The following RBFOX1 variants were observed in gnomAD, a reference collection of about 807,000 sequenced individuals.
RBFOX1 encodes the protein RNA binding fox-1 homolog 1, also known as RNA binding protein fox-1 homolog 1.
RBFOX1 carries 8 observed loss-of-function variants against 57.7 expected under a neutral mutation model. The ratio of observed to expected loss-of-function variants is 0.14; its 90% CI spans 0.08 to 0.25. RBFOX1 has a LOEUF of 0.25. RBFOX1 is among the 10% of genes least tolerant of loss of function. RBFOX1 has a pLI of 1.00. For missense variants in RBFOX1, 611 were observed against 548.5 expected (o/e 1.11, Z -1.14); for synonymous variants, 326 against 222.4 (o/e 1.47, Z -4.15).
intron 4 of RBFOX1, among the ~76,000 whole-genome samples, chr16:7,080,921 G>C (rs1354691163): frequency 1.3e-5 from 2 of 152,200 alleles, no homozygotes; most frequent in Non-Finnish European, 2.9e-5. Context: ...GTTTCTCATT[G>C]CTTGTGGAGC....
At chr16:6,493,893 C>G (rs745583215) in intron 2 of RBFOX1, among the ~76,000 whole-genome samples, 1 of 152,126 alleles carries the variant, frequency 6.6e-6, no homozygotes, top group Non-Finnish European at 1.5e-5. Context: ...AAGAAATCAT[C>G]TTTTTTTATT....
chr16:6,682,924 A>T (rs1421404428), intron 3 of RBFOX1, among the ~76,000 whole-genome samples: 1 of 151,948 alleles, frequency 6.6e-6, no homozygotes, highest in East Asian at 1.9e-4. Context: ...ATGAGAGCCA[A>T]AATTCACAGG....
chr16:6,793,645 T>C (rs753605079), intron 3 of RBFOX1, among the ~76,000 whole-genome samples: 7 of 152,194 alleles, frequency 4.6e-5, no homozygotes, highest in Non-Finnish European at 1.0e-4. Context: ...AAAAGAAATC[T>C]TGAGCCAAAG....
intron 2 of RBFOX1, among the ~76,000 whole-genome samples, chr16:6,431,892 GCTTGCTTTCTTTCTTTCTTTCTTT>G (rs1272963586): frequency 2.9e-4 from 34 of 118,234 alleles, no homozygotes; most frequent in African/African-American, 8.6e-4. Context: ...ATGCTTGCTT[GCTTGCTTTCTTTCTTTCTTTCTTT>G]CTTTCTTTCT....
At chr16:7,220,234 A>T (rs2092619425) in intron 4 of RBFOX1, among the ~76,000 whole-genome samples, 1 of 152,226 alleles carries the variant, frequency 6.6e-6, no homozygotes, top group South Asian at 2.1e-4. Context: ...AAGTAAGAGA[A>T]GGATAATTCA....
At chr16:6,431,069 T>C (rs779066755) in intron 2 of RBFOX1, among the ~76,000 whole-genome samples, 3 of 151,644 alleles carry the variant, frequency 2.0e-5, no homozygotes, top group Non-Finnish European at 2.9e-5. Context: ...GCCCAGGAGT[T>C]TGAGGATGCA....
At chr16:7,659,801 G>A (rs2067238249) in intron 12 of RBFOX1, among the ~76,000 whole-genome samples, 1 of 152,106 alleles carries the variant, frequency 6.6e-6, no homozygotes, top group Non-Finnish European at 1.5e-5. Context: ...TGAACTTATA[G>A]ACAAACATGA....
intron 4 of RBFOX1, among the ~76,000 whole-genome samples, chr16:7,439,949 C>CT (rs144449326): frequency 0.012 from 1,168 of 94,010 alleles, 7 homozygotes; most frequent in Non-Finnish European, 0.018. Context: ...TCTTTTCTTT[C>CT]TTTTTTTTTT....
chr16:6,210,337 CAA>C (rs1443054145), intron 1 of RBFOX1, among the ~76,000 whole-genome samples: 1 of 9,328 alleles, frequency 1.1e-4, no homozygotes, highest in African/African-American at 3.1e-4. Flanking sequence ...AACAAAAAAA[CAA>C]AAAAACAAAA....
chr16:6,932,761 C>T (rs371187033), intron 3 of RBFOX1, among the ~76,000 whole-genome samples: 2 of 152,234 alleles, frequency 1.3e-5, no homozygotes, highest in East Asian at 1.9e-4. Context: ...GTAAAATTTA[C>T]CATTTTAACT....
At chr16:6,516,253 T>C (rs1035005606) in intron 2 of RBFOX1, among the ~76,000 whole-genome samples, 1 of 152,214 alleles carries the variant, frequency 6.6e-6, no homozygotes, top group Non-Finnish European at 1.5e-5. Context: ...AGTCTCGAAC[T>C]CCTGACCTCA....
chr16:5,259,440 T>G (rs542153520), intron 1 of RBFOX1, among the ~76,000 whole-genome samples: 13 of 152,330 alleles, frequency 8.5e-5, no homozygotes, highest in African/African-American at 2.9e-4. Context: ...CTGCTGAAAC[T>G]TCAAGCTGGG....
At chr16:6,501,921 C>T (rs1448180204) in intron 2 of RBFOX1, among the ~76,000 whole-genome samples, 1 of 152,152 alleles carries the variant, frequency 6.6e-6, no homozygotes, top group Non-Finnish European at 1.5e-5. Flanking sequence ...GAGATCCTTG[C>T]AAGTGCTGAG....
chr16:5,312,449 G>A (rs1029129171), intron 1 of RBFOX1, among the ~76,000 whole-genome samples: 1 of 152,184 alleles, frequency 6.6e-6, no homozygotes, highest in Non-Finnish European at 1.5e-5. Context: ...CTCCTGAGTA[G>A]CTGGGATTAC....
chr16:7,415,134 T>C (rs1055128860), intron 4 of RBFOX1, among the ~76,000 whole-genome samples: 1 of 152,238 alleles, frequency 6.6e-6, no homozygotes, highest in Non-Finnish European at 1.5e-5. Flanking sequence ...CTAATTATTT[T>C]GTTACCATTT....
intron 1 of RBFOX1, among the ~76,000 whole-genome samples, chr16:5,402,815 T>C (rs2151442046): frequency 6.6e-6 from 1 of 152,304 alleles, no homozygotes; most frequent in East Asian, 1.9e-4. Context: ...TCTGTTTCAC[T>C]TTCTTTCTGT....
chr16:5,602,272 C>A (rs2047391089), downstream of RBFOX1, among the ~76,000 whole-genome samples: 1 of 152,190 alleles, frequency 6.6e-6, no homozygotes, highest in African/African-American at 2.4e-5. Context: ...AAATGTGTTC[C>A]ATCTTTGGTC....
intron 3 of RBFOX1, among the ~76,000 whole-genome samples, chr16:6,850,773 T>C (rs1262033919): frequency 1.3e-5 from 2 of 152,194 alleles, no homozygotes; most frequent in Non-Finnish European, 2.9e-5. Context: ...ATATTGCTGG[T>C]GGGAATGTCA....
intron 3 of RBFOX1, among the ~76,000 whole-genome samples, chr16:6,832,287 T>C (rs2092762347): frequency 6.6e-6 from 1 of 152,194 alleles, no homozygotes; most frequent in South Asian, 2.1e-4. Flanking sequence ...CTGACATATG[T>C]CACATGTCAT....
Sources: allele counts gnomAD v4.1 joint callset (sites outside exome capture counted in the v4.1 genomes callset), GRCh38; gene constraint gnomAD v4.1.1; transcripts MANE v1.5; gene names NCBI Gene and HGNC (gene_info 2026-07-23, HGNC 2026-07-21).